PIK3CG: variants seen among roughly 807,000 people sequenced by gnomAD.
PIK3CG encodes phosphatidylinositol 4,5-bisphosphate 3-kinase catalytic subunit gamma isoform.
In PIK3CG, 55 loss-of-function variants were observed where a neutral mutation model predicts 102.3. The ratio of observed to expected loss-of-function variants is 0.54; its 90% CI spans 0.43 to 0.67. The LOEUF is 0.67. Ranked by LOEUF, PIK3CG falls within the 30% of genes least tolerant of loss-of-function variation. PIK3CG has a pLI of 0.00. For missense variants in PIK3CG, 1,258 were observed against 1,391.8 expected, an observed-to-expected ratio of 0.90 and a Z score of 1.53; for synonymous variants, 552 against 540.0, an observed-to-expected ratio of 1.02 and a Z score of -0.31.
intron 10 of PIK3CG, among the ~76,000 whole-genome samples, chr7:106,900,436 T>A (rs1032474958): frequency 7.2e-5 from 11 of 152,234 alleles, no homozygotes; most frequent in Non-Finnish European, 1.3e-4. Flanking sequence ...CCCTTTATTT[T>A]GAGCCTATGA....
chr7:106,908,677 T>A lies in PIK3CG; in HGVS notation c.*3290T>A, dbSNP rs1475416273. On this transcript the variant is annotated 3_prime_UTR_variant, in exon 11 of 11. Coordinates refer to ENST00000496166, the MANE Select transcript of PIK3CG (RefSeq NM_001282426.2). This position sits in a 1 kb window ranked among gnomAD's most constrained non-coding sequence, Gnocchi z 4.1. Reference sequence around the variant, plus strand: ...TTTTTCAGGTGATGAATTATTTTTTTAAAAAAGGTTACATATAGGAATTCT... The same window carrying A: ...TTTTTCAGGTGATGAATTATTTTTTAAAAAAAGGTTACATATAGGAATTCT... Among the ~76,000 whole-genome samples, 2 of 152,122 alleles carry A rather than the reference T, an allele frequency of 1.3e-5. No individual in the cohort carries two copies. Among genetic ancestry groups the A allele is most frequent in the East Asian group, 1.9e-4 (1 of 5,196 alleles).
In PIK3CG at chr7:106,893,571, C is replaced by T. The variant is rs1791321967; in HGVS notation, c.3030+7279C>T. Among the ~76,000 whole-genome samples the T allele has an allele frequency of 6.6e-6, 1 of 152,200 alleles. No homozygotes were observed. The highest frequency in any genetic ancestry group is 2.1e-4 in the South Asian group (1 of 4,828). ...TGTTTACCATATTACAAAACATACT[C>T]TCTCTATTAAGATCTTCTTGTGAAA... On this transcript the variant is annotated intron_variant, in intron 10 of 10. Coordinates refer to ENST00000496166, the MANE Select transcript of PIK3CG (RefSeq NM_001282426.2). The surrounding 1 kb of genome is among the most constrained non-coding windows in gnomAD (Gnocchi z 4.4).
rs1790329066 is a variant in PIK3CG, at chr7:106,867,530, C to T, written c.-12-20C>T. On this transcript the variant is annotated intron_variant, in intron 1 of 10. Coordinates refer to ENST00000496166, the MANE Select transcript of PIK3CG (RefSeq NM_001282426.2). This position sits in a 1 kb window ranked among gnomAD's most constrained non-coding sequence, Gnocchi z 5.1. ...AAAGTGCCTTTCTTGTGACAAATCC[C>T]TGTGTCCCTCCGCTCCCAGGTCGCA... The T allele has an allele frequency of 6.6e-6, 10 of 1,521,702 alleles. No homozygotes were observed. Among genetic ancestry groups the T allele is most frequent in the Non-Finnish European group, 8.8e-6 (10 of 1,136,344 alleles). The allele number at this position is 1,521,702 out of a possible 1,614,324, so 94.3% of individuals were successfully genotyped here. A position where few individuals can be genotyped will look rare whatever the true frequency, so the allele number is the denominator to read the frequency against.
At chr7:106,870,570 C>T (rs184234796) in intron 2 of PIK3CG, among the ~76,000 whole-genome samples, 4 of 152,170 alleles carry the variant, frequency 2.6e-5, no homozygotes, top group Admixed American at 2.0e-4. Context: ...AAAACTATAC[C>T]GTATTATGAG....
In PIK3CG at chr7:106,868,913, G is replaced by C. The variant is rs2116453129; in HGVS notation, c.1352G>C (p.Ser451Thr). The change falls in exon 2 of 11, where the codon AGT becomes ACT. Residue 451 changes from serine to threonine, a missense_variant. Around this residue, in one of 2 missense-constraint regions of PIK3CG, gnomAD observed 832 missense variants for 787.5 expected, o/e 1.06. Coordinates refer to ENST00000496166, the MANE Select transcript of PIK3CG (RefSeq NM_001282426.2). The surrounding 1 kb of genome is among the most constrained non-coding windows in gnomAD (Gnocchi z 6.2). ...AGCAAGGCCTCTGCAGAGTCCCCCA[G>C]TTCTGAGTCCAAGGGCAAAGTTCAG... ...LSSKASAESP[S>T]SESKGKVQLL... The C allele has an allele frequency of 2.5e-6, 4 of 1,614,190 alleles. No homozygotes were observed. Among genetic ancestry groups the C allele is most frequent in the Non-Finnish European group, 3.4e-6 (4 of 1,180,030 alleles).
At position 106,867,966 on chromosome 7, in the gene PIK3CG, C is replaced by T. The variant is rs762147944; in HGVS notation, c.405C>T (p.Ile135=). 6.2e-7 allele frequency: 1 copy of T among 1,612,340 alleles called. No individual in the cohort carries two copies. The highest frequency in any genetic ancestry group is 8.5e-7 in the Non-Finnish European group (1 of 1,179,378). Residue 135 remains isoleucine (I), a synonymous_variant, in exon 2 of 11, where the codon ATC becomes ATT. Transcript: ENST00000496166. The surrounding 1 kb of genome is among the most constrained non-coding windows in gnomAD (Gnocchi z 5.1). ...WKATHRSPGQ[I]HLVQRHPPSE... ...CCACGCACCGGAGCCCGGGCCAGAT[C>T]CACCTGGTGCAGCGGCACCCGCCCT...
intron 6 of PIK3CG, among the ~76,000 whole-genome samples, chr7:106,881,450 A>G (rs528137792): frequency 6.6e-6 from 1 of 152,320 alleles, no homozygotes; most frequent in Non-Finnish European, 1.5e-5. Flanking sequence ...ATTGCCTTTG[A>G]TAAATATGTG....
At chr7:106,900,496 T>A (rs1791519597) in intron 10 of PIK3CG, among the ~76,000 whole-genome samples, 1 of 152,136 alleles carries the variant, frequency 6.6e-6, no homozygotes, top group Non-Finnish European at 1.5e-5. Context: ...TACCATTGGG[T>A]CTTGCTTTTT....
chr7:106,900,682 T>A lies in PIK3CG; in HGVS notation c.3031-4427T>A, dbSNP rs189919556. 9.8e-5 allele frequency among the ~76,000 whole-genome samples: 15 copies of A among 152,348 alleles called. No homozygotes were observed. In the South Asian group the frequency reaches 1.9e-3, roughly 19 times the overall value. On this transcript the variant is annotated intron_variant, in intron 10 of 10. Transcript: ENST00000496166. Reference sequence around the variant, plus strand: ...GTCTGTGTGTTTAAGTGTGGTTTTGTATTAGCTGATAGCAGTCTTTCCTTT... The same window carrying A: ...GTCTGTGTGTTTAAGTGTGGTTTTGAATTAGCTGATAGCAGTCTTTCCTTT...
chr7:106,900,149 G>A (rs1791506855), intron 10 of PIK3CG, among the ~76,000 whole-genome samples: 1 of 152,042 alleles, frequency 6.6e-6, no homozygotes, highest in Admixed American at 6.6e-5. Context: ...CATATTTGTA[G>A]TAGTTTCTGA....
At chr7:106,885,523 T>A in intron 9 of PIK3CG, among the ~76,000 whole-genome samples, 1 of 152,052 alleles carries the variant, frequency 6.6e-6, no homozygotes, top group East Asian at 1.9e-4. Flanking sequence ...TTACTTCCTA[T>A]GAGAATTAAA....
rs1425629728 is a variant in PIK3CG, at chr7:106,883,792, A to G, written c.2761-363A>G. ...GTTATACATGGGGATCTGTGAACCC[A>G]AGCATACTCTTAGTGGTCACAAGCA... On this transcript the variant is annotated intron_variant, in intron 8 of 10. Transcript: ENST00000496166. This position sits in a 1 kb window ranked among gnomAD's most constrained non-coding sequence, Gnocchi z 5.8. Among the ~76,000 whole-genome samples, 1 of 152,252 alleles carries G rather than the reference A, an allele frequency of 6.6e-6. No homozygotes were observed. Among genetic ancestry groups the G allele is most frequent in the Admixed American group, 6.5e-5 (1 of 15,282 alleles).
In PIK3CG at chr7:106,892,896, T is replaced by C. The variant is rs1791300659; in HGVS notation, c.3030+6604T>C. Among the ~76,000 whole-genome samples, 1 of 152,240 alleles carries C rather than the reference T, an allele frequency of 6.6e-6. No homozygotes were observed. The highest frequency in any genetic ancestry group is 6.5e-5 in the Admixed American group (1 of 15,288). ...GAGCAAGTGCATGAAGTTAGAAAAG[T>C]ACATACAATCAGTATTTAGGAACAA... is the stretch of plus-strand genomic sequence containing the variant. On this transcript the variant is annotated intron_variant, in intron 10 of 10. Transcript: ENST00000496166. The surrounding 1 kb of genome is among the most constrained non-coding windows in gnomAD (Gnocchi z 5.2).
rs1346191228 is a variant in PIK3CG, at chr7:106,880,283, G to C, written c.2538+618G>C. Among the ~76,000 whole-genome samples the C allele has an allele frequency of 6.6e-6, 1 of 152,216 alleles. No homozygotes were observed. Among genetic ancestry groups the C allele is most frequent in the East Asian group, 1.9e-4 (1 of 5,202 alleles). ...ATTCTCCAGATTCTAGTTGGTCAGTGTTGTAGAGGTAATAATTTCTAATAC... is the reference window on the plus strand; with the variant it reads ...ATTCTCCAGATTCTAGTTGGTCAGTCTTGTAGAGGTAATAATTTCTAATAC... On this transcript the variant is annotated intron_variant, in intron 6 of 10. Transcript: ENST00000496166. The surrounding 1 kb of genome is among the most constrained non-coding windows in gnomAD (Gnocchi z 4.2).
chr7:106,900,844 T>C (rs551310595), intron 10 of PIK3CG, among the ~76,000 whole-genome samples: 1 of 152,172 alleles, frequency 6.6e-6, no homozygotes, highest in African/African-American at 2.4e-5. Context: ...ATGAAATTCT[T>C]GGTTGAAGAT....
rs930034096 is a variant in PIK3CG, at chr7:106,890,706, C to T, written c.3030+4414C>T. Among the ~76,000 whole-genome samples, 3 of 152,218 alleles carry T rather than the reference C, an allele frequency of 2.0e-5. No individual in the cohort carries two copies. Among genetic ancestry groups the T allele is most frequent in the African/African-American group, 7.2e-5 (3 of 41,452 alleles). Reference sequence around the variant, plus strand: ...GTTCGTCTCTTCAAATTGAGTAAGGCTGATTAACATCCATGAGATGGTAGT... The same window carrying T: ...GTTCGTCTCTTCAAATTGAGTAAGGTTGATTAACATCCATGAGATGGTAGT... On this transcript the variant is annotated intron_variant, in intron 10 of 10. Transcript: ENST00000496166. This position sits in a 1 kb window ranked among gnomAD's most constrained non-coding sequence, Gnocchi z 4.2.
rs2116620365 is a variant in PIK3CG at position 106,905,396 on chromosome 7, G to A, written c.*9G>A. The A allele has an allele frequency of 1.2e-6, 2 of 1,604,836 alleles. No homozygotes were observed. The highest frequency in any genetic ancestry group is 1.7e-6 in the Non-Finnish European group (2 of 1,174,616). Reference sequence around the variant, plus strand: ...AGAAACATTCAGCCTAATACTTTAGGCTAGAATCAAAAACAAGTTAGTGTT... The same window carrying A: ...AGAAACATTCAGCCTAATACTTTAGACTAGAATCAAAAACAAGTTAGTGTT... On this transcript the variant is annotated 3_prime_UTR_variant, in exon 11 of 11. Transcript: ENST00000496166. The surrounding 1 kb of genome is among the most constrained non-coding windows in gnomAD (Gnocchi z 5.6).
Position 106,892,367 on chromosome 7 carries a change from T to C in PIK3CG, c.3030+6075T>C, listed in dbSNP as rs1256758859. 6.6e-6 allele frequency among the ~76,000 whole-genome samples: 1 copy of C among 152,222 alleles called. No individual in the cohort carries two copies. Among genetic ancestry groups the C allele is most frequent in the Non-Finnish European group, 1.5e-5 (1 of 68,034 alleles). On this transcript the variant is annotated intron_variant, in intron 10 of 10. Transcript: ENST00000496166. This position sits in a 1 kb window ranked among gnomAD's most constrained non-coding sequence, Gnocchi z 5.2. ...CACCATATCCAAAATAGGACACTAA[T>C]TCAACGCACACTGACTAAATACATA...
chr7:106,890,901 C>T lies in PIK3CG; in HGVS notation c.3030+4609C>T, dbSNP rs1791247878. Among the ~76,000 whole-genome samples the T allele has an allele frequency of 6.6e-6, 1 of 152,266 alleles. No individual in the cohort carries two copies. The highest frequency in any genetic ancestry group is 1.5e-5 in the Non-Finnish European group (1 of 68,054). On this transcript the variant is annotated intron_variant, in intron 10 of 10. Coordinates refer to ENST00000496166, the MANE Select transcript of PIK3CG (RefSeq NM_001282426.2). The surrounding 1 kb of genome is among the most constrained non-coding windows in gnomAD (Gnocchi z 4.2). ...TACCCACTGCTTTCTTCCCAGAATGCTCTGTGCTGCCCTGTGGTCTCAGCA... is the reference window on the plus strand; with the variant it reads ...TACCCACTGCTTTCTTCCCAGAATGTTCTGTGCTGCCCTGTGGTCTCAGCA...
Sources: gnomAD v4.1 joint callset for allele counts (sites outside exome capture counted in the v4.1 genomes callset) on GRCh38, gnomAD v4.1.1 for gene constraint, gnomAD v4.1.1 regional missense constraint, Gnocchi (gnomAD v3.1) non-coding constraint, MANE v1.5 for transcripts, NCBI Gene and HGNC (gene_info 2026-07-23, HGNC 2026-07-21) for gene names.